The following WWOX variants were observed in gnomAD, a reference collection of about 807,000 sequenced individuals.
WWOX encodes the protein WW domain-containing oxidoreductase.
Under a neutral mutation model 46.2 loss-of-function variants are expected in WWOX, and 69 were observed. The observed-to-expected ratio is 1.49, with a 90% CI of 1.23 to 1.82. WWOX has a LOEUF of 1.82. WWOX is among the 40% of genes most tolerant of loss of function. The pLI, the probability that WWOX is intolerant of heterozygous loss-of-function variation, is 0.00. For synonymous variants in WWOX, 359 were observed against 202.6 expected, an observed-to-expected ratio of 1.77 and a Z score of -6.56; for missense variants, 919 against 542.6, an observed-to-expected ratio of 1.69 and a Z score of -6.89.
intron 8 of WWOX, among the ~76,000 whole-genome samples, chr16:78,870,812 G>C (rs1454860139): frequency 1.3e-5 from 2 of 152,170 alleles, no homozygotes; most frequent in African/African-American, 4.8e-5. Flanking sequence ...GTGTTGCCCA[G>C]GGTTGTCTCG....
At chr16:78,312,604 A>T (rs1019588853) in intron 5 of WWOX, among the ~76,000 whole-genome samples, 9 of 152,070 alleles carry the variant, frequency 5.9e-5, no homozygotes, top group African/African-American at 1.9e-4. Context: ...CGAACTCCTG[A>T]CCTGAGGTGA....
chr16:78,412,477 A>T (rs921410969), intron 6 of WWOX, among the ~76,000 whole-genome samples: 12 of 152,178 alleles, frequency 7.9e-5, no homozygotes, highest in Admixed American at 1.3e-4. Flanking sequence ...ATTTGGAAGA[A>T]ACTGCTGCAG....
intron 8 of WWOX, among the ~76,000 whole-genome samples, chr16:78,886,977 GT>G (rs1445626499): frequency 6.6e-6 from 1 of 151,942 alleles, no homozygotes; most frequent in Non-Finnish European, 1.5e-5. Flanking sequence ...GGTCTGCTGG[GT>G]TTAAGGAGGA....
At chr16:78,885,799 T>C (rs994638405) in intron 8 of WWOX, among the ~76,000 whole-genome samples, 2 of 152,186 alleles carry the variant, frequency 1.3e-5, no homozygotes, top group African/African-American at 4.8e-5. Flanking sequence ...TTCTTCCCCC[T>C]TCTTACTTAA....
intron 8 of WWOX, among the ~76,000 whole-genome samples, chr16:79,117,069 T>C (rs2049531309): frequency 6.6e-6 from 1 of 152,172 alleles, no homozygotes; most frequent in African/African-American, 2.4e-5. Flanking sequence ...GTTATTGTTT[T>C]GAGACAGCCT....
chr16:78,354,118 G>A (rs1321906269), intron 5 of WWOX, among the ~76,000 whole-genome samples: 2 of 152,076 alleles, frequency 1.3e-5, no homozygotes, highest in East Asian at 3.9e-4. Context: ...AGTTCCAGTG[G>A]GTTCATCTGT....
At chr16:79,201,979 C>G (rs1375464417) in intron 8 of WWOX, among the ~76,000 whole-genome samples, 7 of 152,206 alleles carry the variant, frequency 4.6e-5, no homozygotes, top group Non-Finnish European at 1.0e-4. Flanking sequence ...TGCTCTCAGT[C>G]TTTAATAACA....
intron 8 of WWOX, among the ~76,000 whole-genome samples, chr16:78,706,604 T>C (rs532913785): frequency 1.4e-4 from 21 of 152,178 alleles, no homozygotes; most frequent in Non-Finnish European, 1.9e-4. Flanking sequence ...GGCTTGGTAA[T>C]TGGTCCCAAG....
At chr16:78,117,695 G>T (rs947151243) in intron 4 of WWOX, among the ~76,000 whole-genome samples, 2 of 152,152 alleles carry the variant, frequency 1.3e-5, no homozygotes, top group African/African-American at 4.8e-5. Context: ...CACTACTTTA[G>T]TTCCGCTCAT....
chr16:78,505,720 G>C (rs982679541), intron 8 of WWOX, among the ~76,000 whole-genome samples: 3 of 135,914 alleles, frequency 2.2e-5, no homozygotes, highest in African/African-American at 1.2e-4. Flanking sequence ...CTAGCACAGG[G>C]AGCATGCAGG....
chr16:78,724,179 G>C (rs143160491), intron 8 of WWOX, among the ~76,000 whole-genome samples: 6 of 152,244 alleles, frequency 3.9e-5, no homozygotes, highest in African/African-American at 1.4e-4. Flanking sequence ...ATCTCACTCC[G>C]TCATTTATAA....
At position 79,212,032 on chromosome 16, in the gene WWOX, G is replaced by A; in HGVS notation, c.*236G>A. On this transcript the variant is annotated 3_prime_UTR_variant, in exon 9 of 9. Coordinates refer to ENST00000566780, the MANE Select transcript of WWOX (RefSeq NM_016373.4). Reference sequence around the variant, plus strand: ...GGCATAGGTCTCTTTGCTTTCTGGTGGTGGCCTGTTTGAAAGTAAAAACCT... The same window carrying A: ...GGCATAGGTCTCTTTGCTTTCTGGTAGTGGCCTGTTTGAAAGTAAAAACCT... 6.5e-7 allele frequency: 1 copy of A among 1,536,234 alleles called. No individual in the cohort carries two copies. The highest frequency in any genetic ancestry group is 8.7e-7 in the Non-Finnish European group (1 of 1,146,892).
intron 8 of WWOX, among the ~76,000 whole-genome samples, chr16:78,752,037 C>T (rs13331057): frequency 3.3e-5 from 5 of 152,026 alleles, no homozygotes; most frequent in African/African-American, 1.2e-4. Context: ...AGAGACGACA[C>T]AAAATTCACT....
intron 6 of WWOX, among the ~76,000 whole-genome samples, chr16:78,404,180 G>T (rs1440872526): frequency 6.6e-6 from 1 of 152,034 alleles, no homozygotes; most frequent in Non-Finnish European, 1.5e-5. Context: ...GGGACTCGGG[G>T]GTTTTTTAAA....
chr16:78,397,546 T>G (rs960968666), intron 6 of WWOX, among the ~76,000 whole-genome samples: 1 of 152,212 alleles, frequency 6.6e-6, no homozygotes, highest in Non-Finnish European at 1.5e-5. Context: ...CTTCTTCTGT[T>G]GAGCTCAGCT....
At position 79,141,107 on chromosome 16, in the gene WWOX, G is replaced by A. The variant is rs945029362; in HGVS notation, c.1057-70501G>A. 6.0e-4 allele frequency among the ~76,000 whole-genome samples: 92 copies of A among 152,268 alleles called. 1 individual carries two copies. Among genetic ancestry groups the A allele is most frequent in the African/African-American group, 2.1e-3 (87 of 41,564 alleles). ...GGCCAACCTGCCTCCCATTCTACTC[G>A]AAGTCACCCCTCTGTTCACTGAGAT... On this transcript the variant is annotated intron_variant, in intron 8 of 8. Transcript: ENST00000566780.
At chr16:78,431,038 A>C (rs2083205695) in intron 7 of WWOX, among the ~76,000 whole-genome samples, 1 of 152,238 alleles carries the variant, frequency 6.6e-6, no homozygotes, top group Non-Finnish European at 1.5e-5. Flanking sequence ...ATAGAAGCAG[A>C]ATATGAGGGG....
intron 8 of WWOX, among the ~76,000 whole-genome samples, chr16:78,816,493 G>A (rs1478367783): frequency 7.6e-6 from 1 of 131,948 alleles, no homozygotes; most frequent in Admixed American, 8.1e-5. Flanking sequence ...CAGACAAGAA[G>A]GAGCCACTCT....
intron 8 of WWOX, among the ~76,000 whole-genome samples, chr16:78,632,557 A>T (rs372217397): frequency 8.0e-5 from 6 of 74,742 alleles, no homozygotes; most frequent in African/African-American, 5.6e-5. Context: ...TACTTGGCCA[A>T]TTTTTTTTTT....
Sources: gnomAD v4.1 joint callset for allele counts (sites outside exome capture counted in the v4.1 genomes callset) on GRCh38, gnomAD v4.1.1 for gene constraint, MANE v1.5 for transcripts, NCBI Gene and HGNC (gene_info 2026-07-23, HGNC 2026-07-21) for gene names.